DGKB: variants seen among roughly 807,000 people sequenced by gnomAD.
DGKB encodes 90 kDa diacylglycerol kinase.
In DGKB, 67 loss-of-function variants were observed where a neutral mutation model predicts 114.3. The observed-to-expected ratio is 0.59, with a 90% confidence interval of 0.48 to 0.72. DGKB has a LOEUF of 0.72. Ranked by LOEUF, DGKB falls within the 30% of genes least tolerant of loss-of-function variation. The pLI is 0.00. For synonymous variants in DGKB, 398 were observed against 323.1 expected, an observed-to-expected ratio of 1.23 and a Z score of -2.49; for missense variants, 907 against 975.2, an observed-to-expected ratio of 0.93 and a Z score of 0.93.
intron 21 of DGKB, among the ~76,000 whole-genome samples, chr7:14,439,479 C>A (rs2128808929): frequency 6.6e-6 from 1 of 152,192 alleles, no homozygotes; most frequent in East Asian, 1.9e-4. Flanking sequence ...CTTCCTCTCC[C>A]ATCCTCTCTC....
intron 2 of DGKB, among the ~76,000 whole-genome samples, chr7:14,758,513 G>A (rs1562461219): frequency 6.6e-6 from 1 of 151,718 alleles, no homozygotes; most frequent in Non-Finnish European, 1.5e-5. Context: ...AACAAATATG[G>A]GTAAGTCATC....
chr7:14,471,987 G>A (rs1381681549), intron 21 of DGKB, among the ~76,000 whole-genome samples: 7 of 152,198 alleles, frequency 4.6e-5, no homozygotes, highest in Middle Eastern at 6.8e-3. Context: ...TTAGAGACCA[G>A]ATACTTTGAA....
chr7:14,887,688 C>G (rs1780530268), intron 1 of DGKB, among the ~76,000 whole-genome samples: 1 of 151,678 alleles, frequency 6.6e-6, no homozygotes, highest in East Asian at 1.9e-4. Context: ...AAAACAGCAC[C>G]CACTCTCCAT....
intron 1 of DGKB, among the ~76,000 whole-genome samples, chr7:14,955,265 A>C (rs1057033597): frequency 2.0e-5 from 3 of 152,090 alleles, no homozygotes; most frequent in African/African-American, 7.2e-5. Flanking sequence ...TTTCACAGTG[A>C]ATAAGAGAAG....
At chr7:14,952,370 T>C (rs1415442263) in intron 1 of DGKB, among the ~76,000 whole-genome samples, 1 of 152,008 alleles carries the variant, frequency 6.6e-6, no homozygotes, top group Non-Finnish European at 1.5e-5. Context: ...CGCACGTACA[T>C]GGATCGAATG....
intron 2 of DGKB, among the ~76,000 whole-genome samples, chr7:14,828,935 C>T (rs1392781551): frequency 6.6e-6 from 1 of 152,068 alleles, no homozygotes; most frequent in Non-Finnish European, 1.5e-5. Context: ...AGAAGTGACA[C>T]ATGTGGAGCC....
chr7:14,752,680 G>A (rs1365886459), intron 4 of DGKB, among the ~76,000 whole-genome samples: 2 of 152,134 alleles, frequency 1.3e-5, no homozygotes, highest in African/African-American at 4.8e-5. Flanking sequence ...GAAAAGGAAG[G>A]AAGAAACTCA....
At position 14,372,875 on chromosome 7, in the gene DGKB, G is replaced by A. The variant is rs563694202; in HGVS notation, c.1836-27484C>T. ...CTTCTTTAGTCCTACTAATTATCCA[G>A]TTTATTATTACCTTGATTATTGAAT... On this transcript the variant is annotated intron_variant, in intron 21 of 25. Transcript: ENST00000402815. Among the ~76,000 whole-genome samples, 3 of 152,124 alleles carry A rather than the reference G, an allele frequency of 2.0e-5. No homozygotes were observed. The East Asian group carries it at 5.8e-4, about 29-fold the overall frequency.
chr7:14,543,089 G>C (rs751809599), intron 20 of DGKB, among the ~76,000 whole-genome samples: 12 of 152,132 alleles, frequency 7.9e-5, no homozygotes, highest in Non-Finnish European at 1.3e-4. Context: ...TTGAAATAAT[G>C]TATACACAAT....
intron 15 of DGKB, among the ~76,000 whole-genome samples, chr7:14,618,553 A>C (rs945077269): frequency 2.0e-5 from 3 of 151,594 alleles, no homozygotes; most frequent in Non-Finnish European, 4.4e-5. Flanking sequence ...TATCTCTTGC[A>C]TGGTAAGAAG....
intron 13 of DGKB, among the ~76,000 whole-genome samples, chr7:14,636,003 C>T (rs1757270987): frequency 6.6e-6 from 1 of 151,564 alleles, no homozygotes; most frequent in Admixed American, 6.6e-5. Context: ...TTTTCACCAT[C>T]CTTGAAAAAG....
At chr7:14,292,831 C>G (rs183521112) in intron 23 of DGKB, among the ~76,000 whole-genome samples, 1 of 152,166 alleles carries the variant, frequency 6.6e-6, no homozygotes, top group Admixed American at 6.5e-5. Context: ...ACAGTGGCTA[C>G]TCTTTATTAA....
intron 21 of DGKB, among the ~76,000 whole-genome samples, chr7:14,361,785 C>T (rs1211553219): frequency 6.6e-6 from 1 of 151,888 alleles, no homozygotes; most frequent in Non-Finnish European, 1.5e-5. Flanking sequence ...AGACGAATTC[C>T]AATTGGGAAT....
At chr7:14,819,626 G>A (rs2191481) in intron 2 of DGKB, among the ~76,000 whole-genome samples, 66,467 of 151,756 alleles carry the variant, frequency 0.44, 14,984 homozygotes, top group Non-Finnish European at 0.48. Flanking sequence ...ATAATTGCTA[G>A]TACTACATCC....
chr7:14,701,845 T>G, intron 6 of DGKB, 115 bp from the exon 7 acceptor site: 3 of 668,094 alleles, frequency 4.5e-6, no homozygotes, highest in Non-Finnish European at 8.0e-6. Context: ...ATTCCTCTCC[T>G]GCTCCAAACA....
At chr7:14,945,404 G>C (rs1785817121) in intron 1 of DGKB, among the ~76,000 whole-genome samples, 1 of 151,734 alleles carries the variant, frequency 6.6e-6, no homozygotes, top group East Asian at 1.9e-4. Flanking sequence ...TTACATGGGT[G>C]TGTTTCATTT....
At chr7:14,230,636 G>A (rs894780987) in intron 23 of DGKB, among the ~76,000 whole-genome samples, 1 of 151,966 alleles carries the variant, frequency 6.6e-6, no homozygotes, top group African/African-American at 2.4e-5. Context: ...TGACTCTATA[G>A]ATTCAAACAT....
intron 23 of DGKB, among the ~76,000 whole-genome samples, chr7:14,321,473 A>T (rs900441801): frequency 1.3e-5 from 2 of 152,180 alleles, no homozygotes; most frequent in Non-Finnish European, 2.9e-5. Context: ...AAAAGTATAC[A>T]AGGAACATTA....
In DGKB at chr7:14,339,208, T is replaced by TAAAA. The variant is rs35265569; in HGVS notation, c.1927-502_1927-499dup. ...AAGAAGTAGCTTAAAAGACTTTTGCTAAAAAAAAAAAAAGTAAAATTCAAA... is the reference window on the plus strand; with the variant it reads ...AAGAAGTAGCTTAAAAGACTTTTGCTAAAAAAAAAAAAAAAAAGTAAAATTCAAA... On this transcript the variant is annotated intron_variant, in intron 22 of 25. Transcript: ENST00000402815. Among the ~76,000 whole-genome samples, 1,131 of 142,144 alleles carry TAAAA rather than the reference T, an allele frequency of 8.0e-3. 15 individuals are homozygous for TAAAA. Among genetic ancestry groups the TAAAA allele is most frequent in the African/African-American group, 0.028 (1,066 of 38,318 alleles). 93.3% of individuals were successfully genotyped at this position (142,144 alleles called of 152,430 possible). A position where few individuals can be genotyped will look rare whatever the true frequency, so the allele number is the denominator to read the frequency against.
Sources: gnomAD v4.1 joint callset for allele counts (sites outside exome capture counted in the v4.1 genomes callset) on GRCh38, gnomAD v4.1.1 for gene constraint, MANE v1.5 for transcripts, NCBI Gene and HGNC (gene_info 2026-07-23, HGNC 2026-07-21) for gene names.